The following DOCK3 variants were observed in gnomAD, a reference collection of about 807,000 sequenced individuals.
The protein encoded by DOCK3 is dedicator of cytokinesis protein 3.
A neutral mutation model predicts 265.6 loss-of-function variants in DOCK3; 60 were observed. The observed-to-expected ratio is 0.23, with a 90% CI of 0.18 to 0.28. The LOEUF is 0.28. Among genes scored for constraint, DOCK3 ranks in the 10% least tolerant of loss-of-function variants. DOCK3 has a pLI of 1.00. For synonymous variants in DOCK3, 881 were observed against 938.0 expected (o/e 0.94, Z 1.11); for missense variants, 1,981 against 2,594.3 (o/e 0.76, Z 5.14).
At chr3:51,078,087 C>T (rs1035828603) in intron 7 of DOCK3, among the ~76,000 whole-genome samples, 2 of 65,892 alleles carry the variant, frequency 3.0e-5, no homozygotes, top group African/African-American at 9.5e-5. Flanking sequence ...GAGAAAGAAA[C>T]AGAGAGAGAG....
chr3:51,333,471 A>C (rs1401179945), intron 35 of DOCK3, among the ~76,000 whole-genome samples: 1 of 152,072 alleles, frequency 6.6e-6, no homozygotes, highest in Non-Finnish European at 1.5e-5. Flanking sequence ...TCCCCACTAA[A>C]ATGTGGGCAC....
intron 24 of DOCK3, among the ~76,000 whole-genome samples, chr3:51,271,469 T>A (rs529449207): frequency 1.3e-4 from 20 of 152,196 alleles, no homozygotes; most frequent in African/African-American, 4.6e-4. Context: ...TCTTTTTTTT[T>A]AAAAGGTCGC....
chr3:51,371,998 C>T (rs969320647), intron 49 of DOCK3, among the ~76,000 whole-genome samples: 17 of 152,144 alleles, frequency 1.1e-4, no homozygotes, highest in South Asian at 2.1e-4. Flanking sequence ...GTGTGTTTTT[C>T]GGTGCATACT....
chr3:51,229,516 C>T lies in DOCK3; in HGVS notation c.1824C>T (p.Asp608=). The change falls in exon 19 of 53, where the codon GAC becomes GAT. Residue 608 remains aspartate (D), a synonymous_variant. Coordinates refer to ENST00000266037, the MANE Select transcript of DOCK3 (RefSeq NM_004947.5). The part of the protein sequence containing the change: ...LSSTKLTQNV[D]LLALLKWKAF... ...TCTTTTGGGCTTGCTTTCTAGTGGA[C>T]CTCCTAGCTCTGCTGAAGTGGAAAG... 2 of 1,587,614 alleles carry T rather than the reference C, an allele frequency of 1.3e-6. No homozygotes were observed. The highest frequency in any genetic ancestry group is 1.7e-6 in the Non-Finnish European group (2 of 1,169,212).
At chr3:51,225,500 G>T in intron 14 of DOCK3, 149 bp from the exon 15 acceptor site, 1 of 1,260,878 alleles carries the variant, frequency 7.9e-7, no homozygotes, top group Non-Finnish European at 1.1e-6. Flanking sequence ...CACTGATACT[G>T]GTAGAATGTC....
At chr3:50,881,248 A>G (rs921638842) in intron 3 of DOCK3, 2 of 152,226 alleles carry the variant, frequency 1.3e-5, no homozygotes, top group Non-Finnish European at 2.9e-5. Context: ...CACCACTCCT[A>G]TTCAGCATAG....
At chr3:50,841,439 T>TG (rs1288815284) in intron 2 of DOCK3, among the ~76,000 whole-genome samples, 1 of 152,186 alleles carries the variant, frequency 6.6e-6, no homozygotes, top group African/African-American at 2.4e-5. Context: ...CTTTTCTAAT[T>TG]GCATTTTACT....
chr3:51,003,285 C>T (rs1045815007), intron 5 of DOCK3, among the ~76,000 whole-genome samples: 1 of 152,194 alleles, frequency 6.6e-6, no homozygotes, highest in African/African-American at 2.4e-5. Flanking sequence ...CTAAGCAGTA[C>T]ATTACTCTGT....
At chr3:50,848,465 C>A (rs368926446) in intron 3 of DOCK3, among the ~76,000 whole-genome samples, 15 of 152,174 alleles carry the variant, frequency 9.9e-5, no homozygotes, top group Admixed American at 2.6e-4. Flanking sequence ...TCTTAAGGAT[C>A]TCCTGTAAGC....
chr3:50,929,259 G>A (rs961722348), intron 4 of DOCK3, among the ~76,000 whole-genome samples: 13 of 152,062 alleles, frequency 8.5e-5, no homozygotes, highest in East Asian at 1.9e-4. Context: ...AGTTACTGCC[G>A]TCTGTCCCCT....
chr3:51,248,145 C>CGA, intron 22 of DOCK3, among the ~76,000 whole-genome samples: 1 of 152,270 alleles, frequency 6.6e-6, no homozygotes, highest in African/African-American at 2.4e-5. Context: ...ATAGTACTTT[C>CGA]ATTCAAGTGG....
intron 5 of DOCK3, among the ~76,000 whole-genome samples, chr3:51,042,071 A>T (rs981762482): frequency 8.5e-5 from 13 of 152,240 alleles, no homozygotes; most frequent in Non-Finnish European, 1.5e-4. Flanking sequence ...ACTCCTCCCT[A>T]ACTCATTCTG....
At chr3:50,920,702 C>T (rs898814419) in intron 4 of DOCK3, among the ~76,000 whole-genome samples, 1 of 152,128 alleles carries the variant, frequency 6.6e-6, no homozygotes, top group Non-Finnish European at 1.5e-5. Flanking sequence ...AAAACCAGCT[C>T]CTGTATTTAT....
intron 27 of DOCK3, among the ~76,000 whole-genome samples, chr3:51,287,615 AAAATT>A (rs1490521889): frequency 6.6e-6 from 1 of 152,214 alleles, no homozygotes; most frequent in Non-Finnish European, 1.5e-5. Context: ...TTAAAATTAA[AAAATT>A]AAAAGTCAAA....
chr3:51,031,864 C>T (rs956150059), intron 5 of DOCK3, among the ~76,000 whole-genome samples: 2 of 152,138 alleles, frequency 1.3e-5, no homozygotes, highest in African/African-American at 4.8e-5. Context: ...TTCATTCCTT[C>T]CAGAGGATGT....
Position 51,361,675 on chromosome 3 carries a change from C to T in DOCK3, c.5007-184C>T, listed in dbSNP as rs2086743333. Among the ~76,000 whole-genome samples, 1 of 152,146 alleles carries T rather than the reference C, an allele frequency of 6.6e-6. No homozygotes were observed. Among genetic ancestry groups the T allele is most frequent in the Non-Finnish European group, 1.5e-5 (1 of 68,014 alleles). ...CATTGTCTCTCCCAGACCAAGGGCT[C>T]CTGAGTAGCAGGGTACAGCTCAGGA... On this transcript the variant is annotated intron_variant, in intron 47 of 52. Coordinates refer to ENST00000266037, the MANE Select transcript of DOCK3 (RefSeq NM_004947.5). This position sits in a 1 kb window ranked among gnomAD's most constrained non-coding sequence, Gnocchi z 4.2.
At chr3:51,280,284 A>T (rs1304667473) in intron 27 of DOCK3, 80 bp downstream of exon 27, 3 of 1,343,864 alleles carry the variant, frequency 2.2e-6, no homozygotes, top group Middle Eastern at 1.8e-4. Context: ...TGTCAGGGGG[A>T]TGAATGCAAG....
chr3:50,758,100 C>A (rs1395823225), intron 1 of DOCK3, among the ~76,000 whole-genome samples: 1 of 134,034 alleles, frequency 7.5e-6, no homozygotes. Flanking sequence ...ATGGCATGAA[C>A]CCGGGAGGTG....
At chr3:51,312,221 G>T in intron 29 of DOCK3, 142 bp downstream of exon 29, 1 of 816,032 alleles carries the variant, frequency 1.2e-6, no homozygotes, top group Non-Finnish European at 1.9e-6. Context: ...TATGACCTGG[G>T]ATACCCCTGT....
Sources: allele counts gnomAD v4.1 joint callset (sites outside exome capture counted in the v4.1 genomes callset), GRCh38; gene constraint gnomAD v4.1.1; non-coding constraint Gnocchi (gnomAD v3.1); transcripts MANE v1.5; gene names NCBI Gene and HGNC (gene_info 2026-07-23, HGNC 2026-07-21).